The following CALN1 variants were observed in gnomAD, a reference collection of about 807,000 sequenced individuals.
CALN1 encodes calcium-binding protein 8.
CALN1 carries 17 observed loss-of-function variants against 30.6 expected under a neutral mutation model. That is an observed-to-expected ratio of 0.56 (90% CI 0.38 to 0.83). The LOEUF (loss-of-function observed/expected upper bound fraction) is 0.83, where lower values mean the gene tolerates loss of function less well. Ranked by LOEUF, CALN1 falls within the 40% of genes least tolerant of loss-of-function variation. CALN1 has a pLI of 0.00. For missense variants in CALN1, 291 were observed against 354.9 expected (o/e 0.82, Z 1.45); for synonymous variants, 156 against 131.4 (o/e 1.19, Z -1.28).
At chr7:71,922,946 A>T (rs1273001899) in intron 5 of CALN1, among the ~76,000 whole-genome samples, 1 of 148,750 alleles carries the variant, frequency 6.7e-6, no homozygotes, top group African/African-American at 2.5e-5. Context: ...TAGATATATG[A>T]TATGTACATA....
chr7:71,965,494 C>T lies in CALN1; in HGVS notation c.501+58163G>A, dbSNP rs577421326. 2.6e-5 allele frequency among the ~76,000 whole-genome samples: 4 copies of T among 152,214 alleles called. No homozygotes were observed. The South Asian group carries it at 6.2e-4, about 24-fold the overall frequency. The stretch of plus-strand genomic sequence containing the variant: ...ATGACATAATTTTATACTCATAAGC[C>T]AGGAGTGACTTTAATAGGTATCTCA... On this transcript the variant is annotated intron_variant, in intron 5 of 6. Transcript: ENST00000395275.
chr7:71,923,240 A>G (rs1476579014), intron 5 of CALN1, among the ~76,000 whole-genome samples: 2 of 152,202 alleles, frequency 1.3e-5, no homozygotes, highest in African/African-American at 2.4e-5. Context: ...TTTCTGACAG[A>G]AAAAGCCTAC....
intron 2 of CALN1, among the ~76,000 whole-genome samples, chr7:72,317,173 G>A (rs574639662): frequency 1.0e-4 from 12 of 116,914 alleles, no homozygotes; most frequent in Admixed American, 7.2e-4. Context: ...GGGAGGGAGG[G>A]AGGGAAGGAG....
chr7:71,928,239 C>T (rs1478903125), intron 5 of CALN1, among the ~76,000 whole-genome samples: 1 of 152,146 alleles, frequency 6.6e-6, no homozygotes, highest in Non-Finnish European at 1.5e-5. Context: ...AAGTCCACCC[C>T]ACGACTTCAG....
At chr7:72,058,055 T>A (rs556007834) in intron 4 of CALN1, among the ~76,000 whole-genome samples, 77 of 152,220 alleles carry the variant, frequency 5.1e-4, no homozygotes, top group African/African-American at 1.9e-3. Context: ...ACAACCACCA[T>A]CCGGATCATT....
intron 5 of CALN1, among the ~76,000 whole-genome samples, chr7:71,898,013 G>GA (rs1562882175): frequency 0.012 from 987 of 80,148 alleles, 24 homozygotes; most frequent in African/African-American, 0.059. Context: ...GGGAGGGAGG[G>GA]GGGGGGAGAG....
intron 2 of CALN1, among the ~76,000 whole-genome samples, chr7:72,382,066 G>A (rs904268438): frequency 3.9e-5 from 6 of 152,130 alleles, no homozygotes; most frequent in South Asian, 2.1e-4. Context: ...GGGTGGAGGG[G>A]ATAAAATCAC....
At chr7:71,895,974 G>A (rs1281638869) in intron 5 of CALN1, among the ~76,000 whole-genome samples, 1 of 152,142 alleles carries the variant, frequency 6.6e-6, no homozygotes, top group Non-Finnish European at 1.5e-5. Context: ...GGCCACAGAA[G>A]TATCTTAATG....
chr7:71,784,946 G>C lies in CALN1; in HGVS notation c.*2829C>G. 2.5e-6 allele frequency: 1 copy of C among 398,384 alleles called. No individual in the cohort carries two copies. 24.7% of individuals were successfully genotyped at this position (398,384 alleles called of 1,614,324 possible). A position where few individuals can be genotyped will look rare whatever the true frequency, so the allele number is the denominator to read the frequency against. On this transcript the variant is annotated 3_prime_UTR_variant, in exon 7 of 7. Coordinates refer to ENST00000395275, the MANE Select transcript of CALN1 (RefSeq NM_031468.4). ...TTTGTGTGAACAGGGCTGGGAGTTG[G>C]CTGCCTGACAAGGAAGGCTTCCCTA...
Position 71,864,246 on chromosome 7 carries a change from C to T in CALN1, c.502-53754G>A, listed in dbSNP as rs143642956. ...TCACTTGAGGATGGGATATCACTCC[C>T]ATGATTAGCTTAAAAATCAGTTGCA... is the stretch of plus-strand genomic sequence containing the variant. On this transcript the variant is annotated intron_variant, in intron 5 of 6. Transcript: ENST00000395275. 8.3e-3 allele frequency among the ~76,000 whole-genome samples: 1,259 copies of T among 152,302 alleles called. 14 individuals carry two copies. The highest frequency in any genetic ancestry group is 0.028 in the African/African-American group (1,182 of 41,570).
intron 3 of CALN1, among the ~76,000 whole-genome samples, chr7:72,176,286 C>T (rs1789350337): frequency 6.6e-6 from 1 of 152,170 alleles, no homozygotes; most frequent in Non-Finnish European, 1.5e-5. Context: ...AAGGTAAGGC[C>T]TCTTCCAGCC....
At chr7:72,482,035 T>C in the CALN1 span, among the ~76,000 whole-genome samples, 1 of 152,234 alleles carries the variant, frequency 6.6e-6, no homozygotes, top group Non-Finnish European at 1.5e-5. Context: ...TGCAATTATA[T>C]CAGTTTCTGC....
intron 4 of CALN1, chr7:72,103,486 T>C (rs1197723226): frequency 6.6e-6 from 1 of 150,376 alleles, no homozygotes; most frequent in Admixed American, 6.6e-5. Flanking sequence ...GACCAGATCT[T>C]ACGGCTCTAC....
intron 6 of CALN1, among the ~76,000 whole-genome samples, chr7:71,806,306 CTTTT>C (rs774646277): frequency 2.9e-5 from 4 of 136,694 alleles, no homozygotes; most frequent in African/African-American, 5.6e-5. Context: ...TTTCCCCCTC[CTTTT>C]TTTTTTTTTT....
At chr7:72,475,347 C>A in the CALN1 span, among the ~76,000 whole-genome samples, 20 of 152,158 alleles carry the variant, frequency 1.3e-4, no homozygotes, top group African/African-American at 4.6e-4. Flanking sequence ...CCCAGCTATT[C>A]AGGAGGCTGA....
intron 5 of CALN1, among the ~76,000 whole-genome samples, chr7:71,972,957 T>C (rs1048592459): frequency 7.2e-5 from 11 of 152,140 alleles, no homozygotes; most frequent in East Asian, 1.9e-4. Flanking sequence ...TCTATAAACA[T>C]TGAGCCCCAG....
intron 5 of CALN1, among the ~76,000 whole-genome samples, chr7:71,866,394 A>G (rs1300648430): frequency 1.3e-5 from 2 of 152,058 alleles, no homozygotes; most frequent in African/African-American, 4.8e-5. Context: ...TATTATGTAT[A>G]TTATGCAATA....
At chr7:71,833,393 G>C (rs903117521) in intron 5 of CALN1, among the ~76,000 whole-genome samples, 1 of 151,966 alleles carries the variant, frequency 6.6e-6, no homozygotes, top group Non-Finnish European at 1.5e-5. Flanking sequence ...CTAAGAAACG[G>C]GTAAAACAAC....
At chr7:72,232,264 G>A (rs1371082614) in intron 3 of CALN1, among the ~76,000 whole-genome samples, 3 of 152,156 alleles carry the variant, frequency 2.0e-5, no homozygotes, top group African/African-American at 2.4e-5. Context: ...TTGTAGAACC[G>A]TCATCGCAGA....
Sources: allele counts gnomAD v4.1 joint callset (sites outside exome capture counted in the v4.1 genomes callset), GRCh38; gene constraint gnomAD v4.1.1; transcripts MANE v1.5; gene names NCBI Gene and HGNC (gene_info 2026-07-23, HGNC 2026-07-21).